NAV1: variants seen among roughly 807,000 people sequenced by gnomAD.
NAV1 encodes neuron navigator 1.
NAV1 carries 18 observed loss-of-function variants against 175.2 expected under a neutral mutation model. That is an observed-to-expected ratio of 0.10 (90% CI 0.07 to 0.15). The LOEUF (loss-of-function observed/expected upper bound fraction) is 0.15. Among genes scored for constraint, NAV1 ranks in the 10% least tolerant of loss-of-function variants. NAV1 has a pLI of 1.00. For missense variants in NAV1, 1,731 were observed against 2,436.6 expected (o/e 0.71, Z 6.10); for synonymous variants, 897 against 978.7 (o/e 0.92, Z 1.56).
chr1:201,680,239 GTGGC>G (rs1670408345), intron 1 of NAV1, among the ~76,000 whole-genome samples: 1 of 152,200 alleles, frequency 6.6e-6, no homozygotes, highest in Non-Finnish European at 1.5e-5. Flanking sequence ...GCTGGGCGCG[GTGGC>G]TCACGCCTGT....
chr1:201,703,844 G>C (rs1671549380), intron 1 of NAV1, among the ~76,000 whole-genome samples: 1 of 152,204 alleles, frequency 6.6e-6, no homozygotes, highest in Non-Finnish European at 1.5e-5. Context: ...GTCAGCCTGG[G>C]TGTGGTGGAG....
chr1:201,728,586 C>T (rs1672711780), intron 3 of NAV1, among the ~76,000 whole-genome samples: 1 of 145,012 alleles, frequency 6.9e-6, no homozygotes, highest in South Asian at 2.2e-4. Flanking sequence ...AAGAGTGAAA[C>T]TCCATCGCAA....
chr1:201,696,931 T>C (rs1474815939), intron 1 of NAV1, among the ~76,000 whole-genome samples: 1 of 152,214 alleles, frequency 6.6e-6, no homozygotes, highest in Non-Finnish European at 1.5e-5. Flanking sequence ...ATACTGTCTT[T>C]TTTCCTTTTC....
In NAV1 at chr1:201,810,809, C is replaced by G; in HGVS notation, c.4797+51C>G. 1.4e-6 allele frequency: 2 copies of G among 1,423,864 alleles called. No homozygotes were observed. Among genetic ancestry groups the G allele is most frequent in the Non-Finnish European group, 9.8e-7 (1 of 1,018,260 alleles). The allele number at this position is 1,423,864 out of a possible 1,614,324, so 88.2% of individuals were successfully genotyped here. A position where few individuals can be genotyped will look rare whatever the true frequency, so the allele number is the denominator to read the frequency against. Reference sequence around the variant, plus strand: ...AGCCTTTGTTCATGCCTCAGCCTTCCCTAAGACCCTTCCTCGGCCCCTTCC... The same window carrying G: ...AGCCTTTGTTCATGCCTCAGCCTTCGCTAAGACCCTTCCTCGGCCCCTTCC... On this transcript the variant is annotated intron_variant, in intron 24 of 29. Transcript: ENST00000367296. This position sits in a 1 kb window ranked among gnomAD's most constrained non-coding sequence, Gnocchi z 6.0.
chr1:201,648,136 C>T (rs1326999615), upstream of NAV1: 4 of 572,868 alleles, frequency 7.0e-6, no homozygotes, highest in Non-Finnish European at 8.8e-6. Context: ...CTCCTGTTTG[C>T]TCCCCGCCTT....
At chr1:201,559,669 G>C (rs1333725101) in intron 1 of NAV1, among the ~76,000 whole-genome samples, 4 of 151,966 alleles carry the variant, frequency 2.6e-5, no homozygotes, top group African/African-American at 9.7e-5. Flanking sequence ...TCATTTAGCA[G>C]CCCTTAAGAA....
intron 1 of NAV1, among the ~76,000 whole-genome samples, chr1:201,696,907 C>G (rs993748258): frequency 6.6e-6 from 1 of 152,196 alleles, no homozygotes; most frequent in Non-Finnish European, 1.5e-5. Flanking sequence ...CCATGCCTGG[C>G]GCACACTCGG....
At chr1:201,765,848 A>G (rs1425487163) in intron 3 of NAV1, among the ~76,000 whole-genome samples, 3 of 152,206 alleles carry the variant, frequency 2.0e-5, no homozygotes, top group African/African-American at 7.2e-5. Flanking sequence ...TAATAACGCC[A>G]TGTAACCAGT....
chr1:201,684,884 C>A (rs1267111), intron 1 of NAV1, among the ~76,000 whole-genome samples: 123,548 of 148,488 alleles, frequency 0.83, 51,563 homozygotes, highest in East Asian at 0.93. Flanking sequence ...AATGACGTGA[C>A]CCCGGAAGTG....
At chr1:201,716,736 A>G (rs1211670529) in intron 2 of NAV1, among the ~76,000 whole-genome samples, 1 of 152,136 alleles carries the variant, frequency 6.6e-6, no homozygotes, top group African/African-American at 2.4e-5. Flanking sequence ...AAAATTAGCC[A>G]GATGTGCTCA....
intron 3 of NAV1, among the ~76,000 whole-genome samples, chr1:201,775,618 C>A (rs1001843500): frequency 1.3e-5 from 2 of 152,100 alleles, no homozygotes; most frequent in Middle Eastern, 3.2e-3. Flanking sequence ...CAACTTGGAA[C>A]CAGAAACTAT....
rs2102814136 is a variant in NAV1, at chr1:201,810,330, G to A, written c.4562-193G>A. 6.6e-6 allele frequency among the ~76,000 whole-genome samples: 1 copy of A among 152,166 alleles called. No individual in the cohort carries two copies. The highest frequency in any genetic ancestry group is 2.1e-4 in the South Asian group (1 of 4,808). ...CTTCTTGCTTCACTCCTCACCCCCA[G>A]CTCACAGCATGTCCCTAAAAAGAAG... On this transcript the variant is annotated intron_variant, in intron 23 of 29. Coordinates refer to ENST00000367296, the Ensembl canonical transcript of NAV1. This position sits in a 1 kb window ranked among gnomAD's most constrained non-coding sequence, Gnocchi z 6.0.
chr1:201,768,667 A>G (rs1358386124), intron 3 of NAV1, among the ~76,000 whole-genome samples: 1 of 150,074 alleles, frequency 6.7e-6, no homozygotes, highest in Non-Finnish European at 1.5e-5. Flanking sequence ...AAAAGAGTTT[A>G]GAATCCACAA....
chr1:201,557,418 G>A (rs1666056345), intron 1 of NAV1, among the ~76,000 whole-genome samples: 1 of 152,186 alleles, frequency 6.6e-6, no homozygotes, highest in Non-Finnish European at 1.5e-5. Context: ...AGGAATTAGG[G>A]GCCTGCCTTA....
At chr1:201,724,702 G>GA (rs1672527466) in intron 3 of NAV1, 1 of 152,696 alleles carries the variant, frequency 6.5e-6, no homozygotes. Flanking sequence ...AGTGCTGTAG[G>GA]CGTGTGTCGG....
At chr1:201,673,220 G>A (rs1670112355) in intron 1 of NAV1, 1 of 152,234 alleles carries the variant, frequency 6.6e-6, no homozygotes, top group Non-Finnish European at 1.5e-5. Flanking sequence ...TTGCTTTTGA[G>A]TCCAACACTT....
At chr1:201,637,453 TC>T (rs1668643346) in intron 2 of NAV1, among the ~76,000 whole-genome samples, 1 of 152,184 alleles carries the variant, frequency 6.6e-6, no homozygotes, top group African/African-American at 2.4e-5. Context: ...GAAGTTCTGT[TC>T]TAGGGTAGTG....
At chr1:201,738,534 T>C (rs1673213615) in intron 3 of NAV1, among the ~76,000 whole-genome samples, 1 of 151,952 alleles carries the variant, frequency 6.6e-6, no homozygotes, top group Non-Finnish European at 1.5e-5. Flanking sequence ...CCGAAAATAG[T>C]AGGGGCAGCC....
intron 1 of NAV1, among the ~76,000 whole-genome samples, chr1:201,546,080 C>T (rs1435618694): frequency 6.6e-6 from 1 of 152,180 alleles, no homozygotes; most frequent in East Asian, 1.9e-4. Context: ...AAAGGAGAGA[C>T]AGCTGATGAG....
Sources: allele counts gnomAD v4.1 joint callset (sites outside exome capture counted in the v4.1 genomes callset), GRCh38; gene constraint gnomAD v4.1.1; non-coding constraint Gnocchi (gnomAD v3.1); transcripts MANE v1.5; gene names NCBI Gene and HGNC (gene_info 2026-07-23, HGNC 2026-07-21).